RBBP8: variants seen among roughly 807,000 people sequenced by gnomAD.
The protein encoded by RBBP8 is RB binding protein 8, endonuclease, also known as DNA endonuclease RBBP8.
A neutral mutation model predicts 108.3 loss-of-function variants in RBBP8; 88 were observed. The ratio of observed to expected loss-of-function variants is 0.81; its 90% confidence interval spans 0.68 to 0.97. RBBP8 has a LOEUF of 0.97. RBBP8 is among the 50% of genes least tolerant of loss of function. RBBP8 has a pLI of 0.00. For missense variants in RBBP8, 1,023 were observed against 1,049.0 expected (o/e 0.98, Z 0.34); for synonymous variants, 332 against 348.2 (o/e 0.95, Z 0.52).
rs528491393 is a variant in RBBP8, at chr18:22,938,286, A to G, written c.109+1326A>G. ...AGTTGGGACTACAGGCGCACGCACC[A>G]TGCCCAGCTAGTTTGTTTTTGTTTT... On this transcript the variant is annotated intron_variant, in intron 2 of 18. Transcript: ENST00000327155. Among the ~76,000 whole-genome samples the G allele has an allele frequency of 1.9e-3, 287 of 151,988 alleles. 1 individual carries two copies. Among genetic ancestry groups the G allele is most frequent in the African/African-American group, 6.6e-3 (272 of 41,472 alleles).
intron 3 of RBBP8, among the ~76,000 whole-genome samples, chr18:22,924,135 T>TTTG (rs1909704221): frequency 1.4e-5 from 2 of 142,586 alleles, no homozygotes; most frequent in Non-Finnish European, 3.1e-5. Context: ...TGGTTTTTTT[T>TTTG]TTTTTTTTTT....
chr18:22,991,259 C>G (rs557531891), intron 10 of RBBP8, among the ~76,000 whole-genome samples: 37 of 152,290 alleles, frequency 2.4e-4, no homozygotes, highest in African/African-American at 8.7e-4. Context: ...TTTTTAGCTA[C>G]TTTCTGTGTT....
intron 16 of RBBP8, among the ~76,000 whole-genome samples, chr18:23,009,171 A>C (rs116373234): frequency 2.2e-3 from 340 of 152,282 alleles, no homozygotes; most frequent in African/African-American, 7.7e-3. Flanking sequence ...TCTATCTTAC[A>C]TCTTTATTTA....
At chr18:22,931,439 C>T (rs1910025594), upstream of RBBP8, among the ~76,000 whole-genome samples, 1 of 152,160 alleles carries the variant, frequency 6.6e-6, no homozygotes, top group Non-Finnish European at 1.5e-5. Context: ...ATTTACTTTT[C>T]AAGATCACAG....
chr18:23,011,503 CT>C (rs1317004773), intron 16 of RBBP8, among the ~76,000 whole-genome samples: 1 of 145,906 alleles, frequency 6.9e-6, no homozygotes, highest in East Asian at 2.0e-4. Context: ...GTGGTGCCAT[CT>C]TGTCTCACTG....
At chr18:22,931,709 A>G (rs1243614183), upstream of RBBP8, among the ~76,000 whole-genome samples, 1 of 152,152 alleles carries the variant, frequency 6.6e-6, no homozygotes, top group African/African-American at 2.4e-5. Flanking sequence ...GGTAGGTAAA[A>G]TGGGACAGCG....
At position 23,001,714 on chromosome 18, in the gene RBBP8, A is replaced by G; in HGVS notation, c.2272A>G (p.Thr758Ala). 8.7e-6 allele frequency: 14 copies of G among 1,614,172 alleles called. No individual in the cohort carries two copies. The highest frequency in any genetic ancestry group is 1.2e-5 in the Non-Finnish European group (14 of 1,180,010). The change falls in exon 15 of 19, where the codon ACA becomes GCA. Residue 758 changes from threonine (T) to alanine (A), a missense_variant. Thr to Ala is a moderately conservative substitution (Grantham distance 58, BLOSUM62 0). Coordinates refer to ENST00000327155, the MANE Select transcript of RBBP8 (RefSeq NM_002894.3). Reference protein sequence around the residue: ...ADEEEELSTATKKLHTHGDKQ... With the variant: ...ADEEEELSTAAKKLHTHGDKQ... ...TGAAGAGGAGGAATTGTCTACTGCC[A>G]CAAAGAAACTACACAGTAAGATTTT... is the stretch of plus-strand genomic sequence containing the variant.
At chr18:23,018,676 A>G (rs2046302040) in intron 17 of RBBP8, among the ~76,000 whole-genome samples, 1 of 152,222 alleles carries the variant, frequency 6.6e-6, no homozygotes, top group Non-Finnish European at 1.5e-5. Context: ...TGACAAGAAA[A>G]ATAGTCTGTA....
At chr18:22,998,237 G>A (rs1171295470) in intron 14 of RBBP8, among the ~76,000 whole-genome samples, 1 of 152,160 alleles carries the variant, frequency 6.6e-6, no homozygotes, top group Non-Finnish European at 1.5e-5. Context: ...AAAGAAATTT[G>A]ATAAGGAAAG....
intron 2 of RBBP8, 35 bp downstream of exon 2, chr18:22,936,995 TTGTTGAGAC>T (rs1476295281): frequency 6.2e-7 from 1 of 1,611,902 alleles, no homozygotes; most frequent in Non-Finnish European, 8.5e-7. Flanking sequence ...CAGCAGTATT[TTGTTGAGAC>T]TGTAGTGGCT....
At chr18:22,927,894 C>CA (rs1555630711) in intron 3 of RBBP8, among the ~76,000 whole-genome samples, 2 of 148,228 alleles carry the variant, frequency 1.3e-5, no homozygotes, top group Middle Eastern at 7.0e-3. Context: ...GACTCTGTCT[C>CA]AAAAAATTAA....
intron 16 of RBBP8, among the ~76,000 whole-genome samples, chr18:23,007,268 G>A (rs894310319): frequency 3.3e-5 from 5 of 151,568 alleles, no homozygotes; most frequent in African/African-American, 9.7e-5. Flanking sequence ...TGATCCACCC[G>A]CCTCAGCCTC....
intron 12 of RBBP8, among the ~76,000 whole-genome samples, chr18:22,995,353 C>T (rs183891906): frequency 1.3e-5 from 2 of 152,186 alleles, no homozygotes; most frequent in East Asian, 3.9e-4. Flanking sequence ...TCTGTAACTA[C>T]ACTTTATGTA....
intron 1 of RBBP8, among the ~76,000 whole-genome samples, chr18:22,915,221 G>A (rs943202428): frequency 2.0e-5 from 3 of 152,000 alleles, no homozygotes; most frequent in African/African-American, 7.2e-5. Context: ...ATCTTAGTAG[G>A]ACTTTGCTTT....
intron 2 of RBBP8, 137 bp downstream of exon 2, chr18:22,937,097 A>T: frequency 4.0e-6 from 6 of 1,483,736 alleles, no homozygotes; most frequent in Non-Finnish European, 4.5e-6. Context: ...GATTTGGTAC[A>T]TGGATAGATT....
chr18:22,975,256 T>C lies in RBBP8; in HGVS notation c.428+37T>C, dbSNP rs2336916. On this transcript the variant is annotated intron_variant, in intron 6 of 18. Coordinates refer to ENST00000327155, the MANE Select transcript of RBBP8 (RefSeq NM_002894.3). ...CCTCCAACCTTGTTATTTTATTTTATTTAGCTATACAAACCATGAAGATAA... is the reference window on the plus strand; with the variant it reads ...CCTCCAACCTTGTTATTTTATTTTACTTAGCTATACAAACCATGAAGATAA... 0.97 allele frequency: 1,564,673 copies of C among 1,608,632 alleles called. 761,822 individuals carry two copies. The highest frequency in any genetic ancestry group is 0.98 in the Non-Finnish European group (1,157,749 of 1,176,974).
At chr18:22,970,513 G>A (rs1258743617) in intron 5 of RBBP8, among the ~76,000 whole-genome samples, 2 of 152,198 alleles carry the variant, frequency 1.3e-5, no homozygotes, top group African/African-American at 2.4e-5. Context: ...TCAACTTTTT[G>A]TTTGAATGTT....
At chr18:23,004,151 A>G (rs1451669573) in intron 15 of RBBP8, among the ~76,000 whole-genome samples, 4 of 151,794 alleles carry the variant, frequency 2.6e-5, no homozygotes, top group African/African-American at 7.3e-5. Flanking sequence ...AAAGGAAATC[A>G]GTATGTTAAA....
intron 3 of RBBP8, among the ~76,000 whole-genome samples, chr18:22,917,726 C>T (rs1409479468): frequency 2.0e-5 from 3 of 152,066 alleles, no homozygotes; most frequent in Non-Finnish European, 2.9e-5. Flanking sequence ...TGGGGCCGGG[C>T]GCAGTGGCTC....
Sources: allele counts gnomAD v4.1 joint callset (sites outside exome capture counted in the v4.1 genomes callset), GRCh38; gene constraint gnomAD v4.1.1; transcripts MANE v1.5; gene names NCBI Gene and HGNC (gene_info 2026-07-23, HGNC 2026-07-21).